TUSC3: variants seen among roughly 807,000 people sequenced by gnomAD.
TUSC3 encodes dolichyl-diphosphooligosaccharide--protein glycosyltransferase subunit TUSC3.
TUSC3 carries 45 observed loss-of-function variants against 44.8 expected under a neutral mutation model. That is an observed-to-expected ratio of 1.00 (90% CI 0.79 to 1.29). TUSC3 has a LOEUF of 1.29. TUSC3 is among the 50% of genes most tolerant of loss of function. TUSC3 has a pLI of 0.00. For synonymous variants in TUSC3, 212 were observed against 152.9 expected (o/e 1.39, Z -2.85); for missense variants, 519 against 437.9 (o/e 1.19, Z -1.65).
At chr8:15,842,789 G>A in the TUSC3 span, among the ~76,000 whole-genome samples, 5 of 152,132 alleles carry the variant, frequency 3.3e-5, no homozygotes, top group African/African-American at 9.7e-5. Context: ...ACATGAACAC[G>A]TGGCACCAAA....
intron 1 of TUSC3, among the ~76,000 whole-genome samples, chr8:15,430,982 G>A (rs1459643237): frequency 6.6e-6 from 1 of 151,684 alleles, no homozygotes; most frequent in Non-Finnish European, 1.5e-5. Flanking sequence ...TTTGGTTAAA[G>A]GTGAAGTGAT....
intron 1 of TUSC3, among the ~76,000 whole-genome samples, chr8:15,542,199 G>A (rs1008157826): frequency 3.9e-5 from 6 of 152,016 alleles, no homozygotes; most frequent in African/African-American, 1.4e-4. Flanking sequence ...GGGCATCCAG[G>A]TCATAGGTAG....
chr8:15,669,500 A>T (rs1452942236), intron 5 of TUSC3, among the ~76,000 whole-genome samples: 1 of 151,848 alleles, frequency 6.6e-6, no homozygotes, highest in Non-Finnish European at 1.5e-5. Context: ...AAACAAAAAA[A>T]TTACAGACAG....
At chr8:15,559,211 C>G (rs902927653) in intron 1 of TUSC3, among the ~76,000 whole-genome samples, 1 of 141,692 alleles carries the variant, frequency 7.1e-6, no homozygotes, top group East Asian at 2.2e-4. Context: ...TGTCTTTGTT[C>G]TCGTTGGTTT....
intron 1 of TUSC3, among the ~76,000 whole-genome samples, chr8:15,477,704 G>C (rs932354602): frequency 3.9e-5 from 6 of 152,126 alleles, no homozygotes; most frequent in South Asian, 2.1e-4. Flanking sequence ...CTGGGCAACA[G>C]AGTGAGACTC....
At chr8:15,538,619 T>G (rs1801567864), upstream of TUSC3, among the ~76,000 whole-genome samples, 1 of 152,160 alleles carries the variant, frequency 6.6e-6, no homozygotes, top group Non-Finnish European at 1.5e-5. Flanking sequence ...GTCCATGAAA[T>G]TTCAGCATCT....
At chr8:15,841,719 G>C in the TUSC3 span, among the ~76,000 whole-genome samples, 3 of 152,052 alleles carry the variant, frequency 2.0e-5, no homozygotes, top group Non-Finnish European at 2.9e-5. Context: ...TTGCCATGTT[G>C]GCAAGGCTGG....
intron 7 of TUSC3, among the ~76,000 whole-genome samples, chr8:15,742,642 T>C (rs1013393605): frequency 6.6e-6 from 1 of 152,178 alleles, no homozygotes; most frequent in Non-Finnish European, 1.5e-5. Flanking sequence ...TATACACAAA[T>C]AGCAGTAGAA....
intron 2 of TUSC3, among the ~76,000 whole-genome samples, chr8:15,641,547 T>C (rs1224435760): frequency 6.6e-6 from 1 of 152,164 alleles, no homozygotes; most frequent in African/African-American, 2.4e-5. Flanking sequence ...TTAAGCTAGA[T>C]GGTGGGTACC....
chr8:15,540,357 C>G lies in TUSC3; in HGVS notation c.-74C>G. ...AGCCAGCGGGCTCCCGGAGGCTGGC[C>G]GGGCAGGCGTGGTGCGCGGTAGGAG... On this transcript the variant is annotated 5_prime_UTR_variant, in exon 1 of 11. Coordinates refer to ENST00000503731, the MANE Select transcript of TUSC3 (RefSeq NM_006765.4). The G allele has an allele frequency of 1.4e-6, 2 of 1,404,408 alleles. No individual in the cohort carries two copies. The allele number at this position is 1,404,408 out of a possible 1,614,324, so 87.0% of individuals were successfully genotyped here.
At chr8:15,623,279 A>G (rs768956029) in intron 2 of TUSC3, 30 bp downstream of exon 2, 2 of 1,544,222 alleles carry the variant, frequency 1.3e-6, no homozygotes, top group Non-Finnish European at 1.7e-6. Flanking sequence ...AATATTAAAA[A>G]CTATTATTCT....
intron 6 of TUSC3, among the ~76,000 whole-genome samples, chr8:15,678,150 T>C (rs1466426659): frequency 1.3e-5 from 2 of 152,030 alleles, no homozygotes; most frequent in African/African-American, 4.8e-5. Context: ...CCTACTACAG[T>C]GGTAAGGGAG....
intron 9 of TUSC3, 183 bp downstream of exon 9, chr8:15,748,648 C>T (rs1178729436): frequency 2.7e-6 from 2 of 738,614 alleles, no homozygotes; most frequent in East Asian, 2.6e-5. Context: ...AGATATAAGG[C>T]ATGGTTCTTG....
intron 2 of TUSC3, among the ~76,000 whole-genome samples, chr8:15,507,981 C>A (rs968364572): frequency 6.6e-6 from 1 of 152,150 alleles, no homozygotes; most frequent in African/African-American, 2.4e-5. Flanking sequence ...GTAGCTCAGG[C>A]CTGTAATCCC....
chr8:15,602,163 G>GA (rs1246122717), intron 1 of TUSC3, among the ~76,000 whole-genome samples: 1 of 151,484 alleles, frequency 6.6e-6, no homozygotes, highest in Admixed American at 6.6e-5. Context: ...TCCAAAGTCT[G>GA]AAAAAAGTCT....
chr8:15,448,181 C>A (rs769432988), intron 1 of TUSC3, among the ~76,000 whole-genome samples: 1 of 144,934 alleles, frequency 6.9e-6, no homozygotes, highest in Non-Finnish European at 1.5e-5. Flanking sequence ...TGCAGTGGCA[C>A]GATCTCAGCT....
Position 15,469,192 on chromosome 8 carries a change from C to G in TUSC3, n.92-14194C>G, listed in dbSNP as rs80134235. On this transcript the variant is annotated intron_variant and non_coding_transcript_variant, in intron 1 of 5. Transcript: ENST00000503191. ...ATTTCATTAAAATTAAACTTCTTCT[C>G]TGTGAAAGACACTGTCTAGAGAATG... Among the ~76,000 whole-genome samples the G allele has an allele frequency of 8.5e-5, 13 of 152,288 alleles. No individual in the cohort carries two copies. The East Asian group carries it at 2.3e-3, about 27-fold the overall frequency.
chr8:15,604,610 A>G (rs918945203), intron 1 of TUSC3, among the ~76,000 whole-genome samples: 3 of 151,836 alleles, frequency 2.0e-5, no homozygotes, highest in African/African-American at 7.2e-5. Flanking sequence ...CTTCAGGTAC[A>G]TATGGGTTAC....
chr8:15,672,103 C>T (rs1044683514), intron 5 of TUSC3, among the ~76,000 whole-genome samples: 1 of 151,962 alleles, frequency 6.6e-6, no homozygotes, highest in Admixed American at 6.6e-5. Context: ...CAGGCATTAC[C>T]ATCATGGATG....
Sources: gnomAD v4.1 joint callset for allele counts (sites outside exome capture counted in the v4.1 genomes callset) on GRCh38, gnomAD v4.1.1 for gene constraint, MANE v1.5 for transcripts, NCBI Gene and HGNC (gene_info 2026-07-23, HGNC 2026-07-21) for gene names.